ASH1L: variants seen among roughly 807,000 people sequenced by gnomAD.
ASH1L encodes the protein histone-lysine N-methyltransferase ASH1L.
In ASH1L, 23 loss-of-function variants were observed where a neutral mutation model predicts 269.0. That is an observed-to-expected ratio of 0.09 (90% CI 0.06 to 0.12). The LOEUF is 0.12. Ranked by LOEUF, ASH1L falls within the 10% of genes least tolerant of loss-of-function variation. The probability of loss-of-function intolerance (pLI) is 1.00; values close to 1 mark genes in which losing one functional copy is unlikely to be tolerated. For missense variants in ASH1L, 2,912 were observed against 3,567.8 expected (o/e 0.82, Z 4.68); for synonymous variants, 1,187 against 1,253.5 (o/e 0.95, Z 1.12).
intron 4 of ASH1L, among the ~76,000 whole-genome samples, chr1:155,453,808 G>T (rs1663674523): frequency 6.6e-6 from 1 of 150,798 alleles, no homozygotes; most frequent in African/African-American, 2.4e-5. Flanking sequence ...CAAAAAAAAA[G>T]AAAAAACAAA....
intron 2 of ASH1L, among the ~76,000 whole-genome samples, chr1:155,514,091 T>C (rs895709582): frequency 1.3e-5 from 2 of 152,148 alleles, no homozygotes; most frequent in Non-Finnish European, 1.5e-5. Context: ...GTAATTACAG[T>C]AGTCAAATTC....
intron 4 of ASH1L, among the ~76,000 whole-genome samples, chr1:155,443,219 T>C (rs1031122800): frequency 3.9e-5 from 6 of 152,206 alleles, no homozygotes; most frequent in Non-Finnish European, 8.8e-5. Flanking sequence ...CCAATGCATT[T>C]AATCCATGAA....
intron 7 of ASH1L, among the ~76,000 whole-genome samples, chr1:155,385,007 AG>A (rs1227691344): frequency 3.0e-4 from 46 of 151,656 alleles, no homozygotes; most frequent in African/African-American, 1.1e-3. Context: ...TCTATCTTCT[AG>A]TGCATAGATT....
rs954834286 is a variant in ASH1L, at chr1:155,336,811, A to G, written c.*849T>C. ...CAGGGGTGGGTTTAGAGTTCTTTTT[A>G]TGTAGGTTTTTAAATGATTTTATTT... is the stretch of plus-strand genomic sequence containing the variant. On this transcript the variant is annotated 3_prime_UTR_variant, in exon 28 of 28. Coordinates refer to ENST00000392403, the MANE Select transcript of ASH1L (RefSeq NM_018489.3). The G allele has an allele frequency of 6.6e-6, 1 of 152,282 alleles. No homozygotes were observed. Among genetic ancestry groups the G allele is most frequent in the Non-Finnish European group, 1.5e-5 (1 of 68,018 alleles). The allele number at this position is 152,282 out of a possible 1,614,324, so 9.4% of individuals were successfully genotyped here. A position where few individuals can be genotyped will look rare whatever the true frequency, so the allele number is the denominator to read the frequency against.
intron 1 of ASH1L, among the ~76,000 whole-genome samples, chr1:155,538,356 T>C (rs1670194732): frequency 7.0e-6 from 1 of 142,534 alleles, no homozygotes; most frequent in South Asian, 2.2e-4. Context: ...TTTTGTTTGT[T>C]TGTTTGTTTG....
intron 1 of ASH1L, among the ~76,000 whole-genome samples, chr1:155,548,215 T>C (rs61134825): frequency 1.6e-3 from 243 of 152,000 alleles, no homozygotes; most frequent in African/African-American, 5.7e-3. Context: ...AACTAACGCA[T>C]GTGGAGCTTA....
intron 12 of ASH1L, among the ~76,000 whole-genome samples, chr1:155,369,219 G>A (rs937516564): frequency 7.2e-5 from 11 of 152,098 alleles, no homozygotes; most frequent in East Asian, 3.9e-4. Flanking sequence ...CGAGGCGGGC[G>A]GATCACAAGG....
intron 2 of ASH1L, among the ~76,000 whole-genome samples, chr1:155,503,488 T>G (rs1667635123): frequency 6.6e-6 from 1 of 152,246 alleles, no homozygotes; most frequent in South Asian, 2.1e-4. Flanking sequence ...ACTAGTTCAG[T>G]ACCTGTTTTG....
At chr1:155,370,195 C>T (rs547054680) in intron 12 of ASH1L, 68 of 361,232 alleles carry the variant, frequency 1.9e-4, no homozygotes, top group African/African-American at 1.2e-3. Flanking sequence ...TGTACCACCA[C>T]CCTGGCTATC....
At chr1:155,346,069 G>A (rs1235574049) in intron 21 of ASH1L, 1 of 931,150 alleles carries the variant, frequency 1.1e-6, no homozygotes, top group Non-Finnish European at 1.5e-6. Flanking sequence ...CCTGAGCTCA[G>A]GCAATCCATC....
chr1:155,442,411 C>T (rs558713920), intron 4 of ASH1L, among the ~76,000 whole-genome samples: 24 of 151,706 alleles, frequency 1.6e-4, no homozygotes, highest in Admixed American at 4.6e-4. Flanking sequence ...GGTGAAGCCC[C>T]GTCTCTACTA....
intron 1 of ASH1L, among the ~76,000 whole-genome samples, chr1:155,539,510 G>C (rs756912551): frequency 4.6e-5 from 7 of 152,012 alleles, no homozygotes; most frequent in Non-Finnish European, 1.0e-4. Context: ...AGGCTGGAGA[G>C]CAGTGGCACG....
intron 7 of ASH1L, among the ~76,000 whole-genome samples, chr1:155,390,714 C>T (rs1558056873): frequency 2.1e-5 from 3 of 143,206 alleles, no homozygotes; most frequent in South Asian, 2.3e-4. Context: ...GGCGTGATCT[C>T]GGCTCACTGC....
At chr1:155,379,403 T>C (rs563934275) in intron 8 of ASH1L, among the ~76,000 whole-genome samples, 2 of 152,282 alleles carry the variant, frequency 1.3e-5, no homozygotes, top group East Asian at 3.9e-4. Context: ...TTGGCAGAAC[T>C]CAAGAAATCT....
At chr1:155,561,001 G>C (rs1299029855) in intron 1 of ASH1L, among the ~76,000 whole-genome samples, 2 of 151,276 alleles carry the variant, frequency 1.3e-5, no homozygotes, top group African/African-American at 4.9e-5. Context: ...AAGACTTCCT[G>C]AGGCACCATG....
intron 5 of ASH1L, among the ~76,000 whole-genome samples, chr1:155,418,400 C>G (rs1660387092): frequency 6.6e-6 from 1 of 152,018 alleles, no homozygotes; most frequent in South Asian, 2.1e-4. Context: ...GCAAATAAGG[C>G]ACTGGAGATC....
chr1:155,368,220 C>T (rs1336186315), intron 12 of ASH1L, among the ~76,000 whole-genome samples: 1 of 152,094 alleles, frequency 6.6e-6, no homozygotes, highest in Non-Finnish European at 1.5e-5. Flanking sequence ...TGGTCTTGAA[C>T]TCCTGGGCTC....
At chr1:155,427,186 G>T (rs965073535) in intron 5 of ASH1L, among the ~76,000 whole-genome samples, 1 of 147,104 alleles carries the variant, frequency 6.8e-6, no homozygotes, top group Admixed American at 6.9e-5. Flanking sequence ...CCAGGCTGGA[G>T]TGAAGTGGTC....
intron 5 of ASH1L, among the ~76,000 whole-genome samples, chr1:155,421,082 T>G (rs1660636096): frequency 6.7e-6 from 1 of 150,366 alleles, no homozygotes; most frequent in Non-Finnish European, 1.5e-5. Flanking sequence ...GCAAAAAATT[T>G]TAAAAAACTA....
Sources: allele counts gnomAD v4.1 joint callset (sites outside exome capture counted in the v4.1 genomes callset), GRCh38; gene constraint gnomAD v4.1.1; transcripts MANE v1.5; gene names NCBI Gene and HGNC (gene_info 2026-07-23, HGNC 2026-07-21).